The following ROR1 variants were observed in gnomAD, a reference collection of about 807,000 sequenced individuals.
The protein encoded by ROR1 is inactive tyrosine-protein kinase transmembrane receptor ROR1.
Under a neutral mutation model 78.8 loss-of-function variants are expected in ROR1, and 19 were observed. The ratio of observed to expected loss-of-function variants is 0.24; its 90% CI spans 0.17 to 0.35. ROR1 has a LOEUF of 0.35. ROR1 is among the 10% of genes least tolerant of loss of function. The pLI, the probability that ROR1 is intolerant of heterozygous loss-of-function variation, is 1.00. For synonymous variants in ROR1, 386 were observed against 433.6 expected (o/e 0.89, Z 1.36); for missense variants, 917 against 1,177.8 (o/e 0.78, Z 3.24).
intron 1 of ROR1, among the ~76,000 whole-genome samples, chr1:63,966,447 A>G (rs1646076461): frequency 6.6e-6 from 1 of 152,202 alleles, no homozygotes; most frequent in Admixed American, 6.5e-5. Flanking sequence ...ACAGATGGCA[A>G]GGTTTGTATA....
intron 1 of ROR1, among the ~76,000 whole-genome samples, chr1:63,983,048 C>T (rs923086253): frequency 6.6e-6 from 1 of 152,146 alleles, no homozygotes; most frequent in Non-Finnish European, 1.5e-5. Context: ...CTTAAGCACA[C>T]AAAATATTTG....
intron 2 of ROR1, among the ~76,000 whole-genome samples, chr1:64,046,927 T>C (rs1646789612): frequency 6.6e-6 from 1 of 152,238 alleles, no homozygotes; most frequent in African/African-American, 2.4e-5. Context: ...AAAGTTAGCA[T>C]ACAGGTGAAT....
chr1:63,946,948 G>C (rs575554369), intron 1 of ROR1, among the ~76,000 whole-genome samples: 1 of 152,158 alleles, frequency 6.6e-6, no homozygotes, highest in Admixed American at 6.5e-5. Context: ...ACCTTTCACA[G>C]TCAGGTTTGC....
At chr1:63,879,521 G>A (rs542700280) in intron 1 of ROR1, among the ~76,000 whole-genome samples, 1 of 140,374 alleles carries the variant, frequency 7.1e-6, no homozygotes, top group Non-Finnish European at 1.5e-5. Flanking sequence ...TGTGTATTCT[G>A]GGGGGCCTTC....
intron 1 of ROR1, among the ~76,000 whole-genome samples, chr1:63,949,528 A>G (rs551861305): frequency 6.6e-6 from 1 of 152,342 alleles, no homozygotes; most frequent in South Asian, 2.1e-4. Flanking sequence ...ACAGAGGCTT[A>G]GAGTGTTCCA....
chr1:64,140,000 G>A, intron 5 of ROR1, 109 bp from the exon 6 acceptor site: 1 of 1,010,314 alleles, frequency 9.9e-7, no homozygotes, highest in African/African-American at 1.6e-5. Context: ...GTCTGTTTCA[G>A]CACGGCGGAT....
chr1:63,950,110 A>G (rs1332078679), intron 1 of ROR1, among the ~76,000 whole-genome samples: 2 of 152,210 alleles, frequency 1.3e-5, no homozygotes, highest in African/African-American at 4.8e-5. Flanking sequence ...TAAGTGGACC[A>G]GTTACCAGAA....
rs1644602822 is a variant in ROR1, at chr1:63,774,703, G to A, written c.91+195G>A. Among the ~76,000 whole-genome samples the A allele has an allele frequency of 6.6e-6, 1 of 151,160 alleles. No homozygotes were observed. Among genetic ancestry groups the A allele is most frequent in the South Asian group, 2.1e-4 (1 of 4,804 alleles). ...GCCCCGCCAGGCCAGGGTTTGCCCC[G>A]GAGCCCCGCGGCGGGCCGGGGCGCG... On this transcript the variant is annotated intron_variant, in intron 1 of 8. Coordinates refer to ENST00000371079, the MANE Select transcript of ROR1 (RefSeq NM_005012.4). This position sits in a 1 kb window ranked among gnomAD's most constrained non-coding sequence, Gnocchi z 5.7.
chr1:63,995,742 A>G (rs1033848977), intron 1 of ROR1, among the ~76,000 whole-genome samples: 2 of 152,168 alleles, frequency 1.3e-5, no homozygotes, highest in Admixed American at 1.3e-4. Flanking sequence ...CCCAAAATAT[A>G]GTGTCTTAAA....
intron 4 of ROR1, among the ~76,000 whole-genome samples, chr1:64,130,058 A>G (rs1037126625): frequency 6.6e-6 from 1 of 152,236 alleles, no homozygotes; most frequent in African/African-American, 2.4e-5. Flanking sequence ...GGTATGAAAC[A>G]GGTCGAGGGA....
At chr1:64,158,582 G>C (rs1467639613) in intron 7 of ROR1, among the ~76,000 whole-genome samples, 2 of 152,176 alleles carry the variant, frequency 1.3e-5, no homozygotes, top group Non-Finnish European at 2.9e-5. Flanking sequence ...GGGCTGATCT[G>C]GGCTGGCAGC....
chr1:64,140,405 A>G lies in ROR1; in HGVS notation c.907A>G (p.Met303Val), dbSNP rs1475889901. 1.9e-6 allele frequency: 3 copies of G among 1,613,606 alleles called. No homozygotes were observed. In the East Asian group the frequency reaches 6.7e-5, roughly 36 times the overall value. ...AANCIRIGIP[M>V]ADPINKNHKC... ...GAACTGTATCCGGATTGGAATTCCC[A>G]TGGCAGATCCTATAAATAAAAGTAA... Residue 303 changes from methionine to valine, a missense_variant, in exon 6 of 9, where the codon ATG becomes GTG. By Grantham distance (21) the Met-to-Val change is conservative. Coordinates refer to ENST00000371079, the MANE Select transcript of ROR1 (RefSeq NM_005012.4).
At chr1:63,877,399 C>G (rs533840708) in intron 1 of ROR1, among the ~76,000 whole-genome samples, 33 of 152,286 alleles carry the variant, frequency 2.2e-4, no homozygotes, top group African/African-American at 7.0e-4. Flanking sequence ...GGGATCATAA[C>G]GCACATCACC....
chr1:63,981,709 A>C (rs1022430067), intron 1 of ROR1, among the ~76,000 whole-genome samples: 8 of 152,022 alleles, frequency 5.3e-5, no homozygotes, highest in African/African-American at 1.9e-4. Flanking sequence ...AAGGCAGGAG[A>C]AGAAGGATGG....
chr1:63,829,618 C>A (rs1644974328), intron 1 of ROR1, among the ~76,000 whole-genome samples: 1 of 152,124 alleles, frequency 6.6e-6, no homozygotes, highest in African/African-American at 2.4e-5. Context: ...AGTGCAGAAC[C>A]ATAGAGTACT....
chr1:63,919,030 CAA>C, intron 1 of ROR1, among the ~76,000 whole-genome samples: 1 of 152,002 alleles, frequency 6.6e-6, no homozygotes, highest in Admixed American at 6.6e-5. Flanking sequence ...AAAAAACTGA[CAA>C]ATCTTCCAAA....
chr1:63,946,390 T>G (rs1271327896), intron 1 of ROR1, among the ~76,000 whole-genome samples: 3 of 152,196 alleles, frequency 2.0e-5, no homozygotes, highest in Non-Finnish European at 4.4e-5. Context: ...TGTGTCTGCT[T>G]AATTTATGCT....
intron 2 of ROR1, among the ~76,000 whole-genome samples, chr1:64,013,100 G>T (rs1398846261): frequency 1.3e-5 from 2 of 152,144 alleles, no homozygotes; most frequent in East Asian, 3.9e-4. Flanking sequence ...AGCACCTACT[G>T]CATAGGGCTG....
At chr1:63,912,969 C>A (rs1458688902) in intron 1 of ROR1, among the ~76,000 whole-genome samples, 1 of 152,068 alleles carries the variant, frequency 6.6e-6, no homozygotes, top group African/African-American at 2.4e-5. Flanking sequence ...GATAGTGACA[C>A]CACATCTTCC....
Sources: gnomAD v4.1 joint callset for allele counts (sites outside exome capture counted in the v4.1 genomes callset) on GRCh38, gnomAD v4.1.1 for gene constraint, Gnocchi (gnomAD v3.1) non-coding constraint, MANE v1.5 for transcripts, NCBI Gene and HGNC (gene_info 2026-07-23, HGNC 2026-07-21) for gene names.